KY: variants seen among roughly 807,000 people sequenced by gnomAD.
KY encodes the protein kyphoscoliosis peptidase.
Under a neutral mutation model 76.1 loss-of-function variants are expected in KY, and 43 were observed. That is an observed-to-expected ratio of 0.57 (90% confidence interval 0.44 to 0.73). The LOEUF (loss-of-function observed/expected upper bound fraction) is 0.73, where lower values mean the gene tolerates loss of function less well. Ranked by LOEUF, KY falls within the 30% of genes least tolerant of loss-of-function variation. The probability of loss-of-function intolerance (pLI) is 0.00; values close to 1 mark genes in which losing one functional copy is unlikely to be tolerated. For synonymous variants in KY, 277 were observed against 326.2 expected, an observed-to-expected ratio of 0.85 and a Z score of 1.63; for missense variants, 722 against 828.9, an observed-to-expected ratio of 0.87 and a Z score of 1.58.
In KY at chr3:134,603,998, G is replaced by C. The variant is rs1959082872; in HGVS notation, c.1567C>G (p.Leu523Val). ...FQLHREKQTE[L>V]KVQLPHAGKF... ...CCTGCATGGGGCAGCTGGACTTTCA[G>C]CTCGGTCTGCTTCTCCCGGTGCAGC... Residue 523 changes from leucine (L) to valine (V), a missense_variant, in exon 11 of 11, where the codon CTG becomes GTG. Physicochemically the swap from Leu to Val is conservative, Grantham distance 32 (BLOSUM62 1). Coordinates refer to ENST00000423778, the MANE Select transcript of KY (RefSeq NM_178554.6). 6.2e-7 allele frequency: 1 copy of C among 1,613,874 alleles called. No homozygotes were observed. The highest frequency in any genetic ancestry group is 8.5e-7 in the Non-Finnish European group (1 of 1,179,764).
chr3:134,622,243 CA>C (rs1397266658), intron 6 of KY, among the ~76,000 whole-genome samples: 1 of 152,192 alleles, frequency 6.6e-6, no homozygotes, highest in African/African-American at 2.4e-5. Flanking sequence ...GGCAGAGACT[CA>C]AACAGACATT....
At position 134,603,297 on chromosome 3, in the gene KY, A is replaced by C; in HGVS notation, c.*282T>G. 3.3e-6 allele frequency: 1 copy of C among 303,358 alleles called. No individual in the cohort carries two copies. The highest frequency in any genetic ancestry group is 6.1e-6 in the Non-Finnish European group (1 of 165,046). 18.8% of individuals were successfully genotyped at this position (303,358 alleles called of 1,614,324 possible). A position where few individuals can be genotyped will look rare whatever the true frequency, so the allele number is the denominator to read the frequency against. On this transcript the variant is annotated 3_prime_UTR_variant, in exon 11 of 11. Coordinates refer to ENST00000423778, the MANE Select transcript of KY (RefSeq NM_178554.6). ...CAGCAGCACTAATACGAGAAGGGGC[A>C]TCTGGATGCAGGTGTACAGTTTACA...
chr3:134,632,128 A>G lies in KY; in HGVS notation c.263-2433T>C, dbSNP rs531010119. On this transcript the variant is annotated intron_variant, in intron 3 of 10. Coordinates refer to ENST00000423778, the MANE Select transcript of KY (RefSeq NM_178554.6). ...TTTAAAATACATGAAACAAGAACTG[A>G]TAGGACTAAAAGGAGGAATAGACAA... Among the ~76,000 whole-genome samples, 10 of 152,248 alleles carry G rather than the reference A, an allele frequency of 6.6e-5. No homozygotes were observed. In the South Asian group the frequency reaches 2.1e-3, roughly 31 times the overall value.
intron 3 of KY, among the ~76,000 whole-genome samples, chr3:134,630,528 A>G (rs1374979916): frequency 2.6e-5 from 4 of 152,212 alleles, no homozygotes; most frequent in Non-Finnish European, 5.9e-5. Context: ...GGTCATGAAG[A>G]GGAGGGAGCT....
rs117254528 is a variant in KY at position 134,642,886 on chromosome 3, A to G, written c.262+430T>C. Among the ~76,000 whole-genome samples, 26 of 152,316 alleles carry G rather than the reference A, an allele frequency of 1.7e-4. No homozygotes were observed. The East Asian group carries it at 5.0e-3, about 29-fold the overall frequency. ...ACACATGACAGCCTTTCCAAGCCTC[A>G]GTTTACTCATCTGTAATTTGAGGAT... On this transcript the variant is annotated intron_variant, in intron 3 of 10. Transcript: ENST00000423778.
intron 3 of KY, among the ~76,000 whole-genome samples, chr3:134,640,161 G>A (rs1017628091): frequency 7.0e-6 from 1 of 143,212 alleles, no homozygotes; most frequent in Admixed American, 6.9e-5. Flanking sequence ...AGAAAATGTT[G>A]AACCATTCCG....
Position 134,619,143 on chromosome 3 carries a change from C to T in KY, c.710+5G>A, listed in dbSNP as rs747214166. On this transcript the variant is annotated splice_donor_5th_base_variant and intron_variant, in intron 8 of 10. Coordinates refer to ENST00000423778, the MANE Select transcript of KY (RefSeq NM_178554.6). ...GGTCAGCATGGGGACTCCTGTCTCTCGTACCTGCACATTCTCTCGAAGAGG... is the reference window on the plus strand; with the variant it reads ...GGTCAGCATGGGGACTCCTGTCTCTTGTACCTGCACATTCTCTCGAAGAGG... The T allele has an allele frequency of 4.7e-5, 76 of 1,611,546 alleles. No individual in the cohort carries two copies. Among genetic ancestry groups the T allele is most frequent in the East Asian group, 6.7e-5 (3 of 44,862 alleles).
intron 1 of KY, among the ~76,000 whole-genome samples, chr3:134,647,702 C>G (rs1286701461): frequency 6.6e-6 from 1 of 152,190 alleles, no homozygotes; most frequent in Admixed American, 6.5e-5. Flanking sequence ...AAACAGTTTT[C>G]AAGGGCAGCA....
rs535464351 is a variant in KY at position 134,650,530 on chromosome 3, T to C, written c.136+295A>G. Among the ~76,000 whole-genome samples the C allele has an allele frequency of 2.0e-5, 3 of 152,312 alleles. No individual in the cohort carries two copies. In the East Asian group the frequency reaches 5.8e-4, roughly 30 times the overall value. Reference sequence around the variant, plus strand: ...TCCAGGGTATCTTCCAATCTTGCTCTACACCCGTTAGGGAGTGGCTGGGAG... The same window carrying C: ...TCCAGGGTATCTTCCAATCTTGCTCCACACCCGTTAGGGAGTGGCTGGGAG... On this transcript the variant is annotated intron_variant, in intron 1 of 10. Coordinates refer to ENST00000423778, the MANE Select transcript of KY (RefSeq NM_178554.6).
At chr3:134,608,556 G>T (rs1473634824) in intron 10 of KY, 93 bp downstream of exon 10, 1 of 1,609,702 alleles carries the variant, frequency 6.2e-7, no homozygotes, top group Admixed American at 1.7e-5. Context: ...GGAAGGGCAT[G>T]CCTTGAAAGC....
intron 1 of KY, 69 bp downstream of exon 1, chr3:134,650,756 G>A: frequency 2.1e-6 from 3 of 1,395,712 alleles, no homozygotes; most frequent in Non-Finnish European, 2.9e-6. Context: ...GCCCCCCGGC[G>A]GGCAGGCCCT....
At chr3:134,616,030 T>C (rs1292214948) in intron 8 of KY, among the ~76,000 whole-genome samples, 1 of 152,194 alleles carries the variant, frequency 6.6e-6, no homozygotes, top group East Asian at 1.9e-4. Flanking sequence ...GCTAAAGCCA[T>C]GCTAACGGGA....
At chr3:134,644,530 C>G (rs1966197101) in intron 2 of KY, among the ~76,000 whole-genome samples, 1 of 152,288 alleles carries the variant, frequency 6.6e-6, no homozygotes, top group South Asian at 2.1e-4. Flanking sequence ...GGAGGTTCCC[C>G]CACCACTACC....
chr3:134,627,615 C>T, intron 5 of KY, 141 bp downstream of exon 5: 4 of 688,762 alleles, frequency 5.8e-6, no homozygotes, highest in South Asian at 3.4e-5. Flanking sequence ...TCAATCATGA[C>T]ACTCTTCCCC....
chr3:134,640,623 T>C (rs1363128928), intron 3 of KY, among the ~76,000 whole-genome samples: 1 of 152,154 alleles, frequency 6.6e-6, no homozygotes, highest in Admixed American at 6.5e-5. Flanking sequence ...AATAAGAAAG[T>C]GGCACATGGA....
At chr3:134,619,749 G>A (rs578207453) in intron 7 of KY, among the ~76,000 whole-genome samples, 1 of 152,348 alleles carries the variant, frequency 6.6e-6, no homozygotes, top group South Asian at 2.1e-4. Flanking sequence ...CCTGTGGTGA[G>A]GCCCTAAGGC....
At chr3:134,608,064 T>C in intron 10 of KY, 1 of 1,085,910 alleles carries the variant, frequency 9.2e-7, no homozygotes, top group Non-Finnish European at 1.1e-6. Context: ...ACTCTCTGTC[T>C]TGGGTGGGAC....
rs1314077797 is a variant in KY at position 134,600,086 on chromosome 3, G to A, written c.*3493C>T. On this transcript the variant is annotated 3_prime_UTR_variant, in exon 11 of 11. Coordinates refer to ENST00000423778, the MANE Select transcript of KY (RefSeq NM_178554.6). ...TTACTCCAAATGAAAAGAAATTATAGACCTAAGATAAACTGAGGCGGGCAA... is the reference window on the plus strand; with the variant it reads ...TTACTCCAAATGAAAAGAAATTATAAACCTAAGATAAACTGAGGCGGGCAA... Among the ~76,000 whole-genome samples, 1 of 152,138 alleles carries A rather than the reference G, an allele frequency of 6.6e-6. No individual in the cohort carries two copies. Among genetic ancestry groups the A allele is most frequent in the Non-Finnish European group, 1.5e-5 (1 of 68,020 alleles).
chr3:134,650,783 A>C, intron 1 of KY, 42 bp downstream of exon 1: 1 of 1,518,692 alleles, frequency 6.6e-7, no homozygotes, highest in Non-Finnish European at 8.8e-7. Context: ...AAGGAGGCCA[A>C]GGTGCCGGGG....
Sources: gnomAD v4.1 joint callset for allele counts (sites outside exome capture counted in the v4.1 genomes callset) on GRCh38, gnomAD v4.1.1 for gene constraint, MANE v1.5 for transcripts, NCBI Gene and HGNC (gene_info 2026-07-23, HGNC 2026-07-21) for gene names.